Variants in DACH1 observed in about 807,000 individuals in gnomAD.
DACH1 encodes the protein dachshund family transcription factor 1.
Under a neutral mutation model 54.2 loss-of-function variants are expected in DACH1, and 12 were observed. That is an observed-to-expected ratio of 0.22 (90% confidence interval 0.14 to 0.36). The LOEUF (loss-of-function observed/expected upper bound fraction) is 0.36. Ranked by LOEUF, DACH1 falls within the 10% of genes least tolerant of loss-of-function variation. DACH1 has a pLI of 1.00. For synonymous variants in DACH1, 386 were observed against 366.2 expected, an observed-to-expected ratio of 1.05 and a Z score of -0.62; for missense variants, 805 against 929.8, an observed-to-expected ratio of 0.87 and a Z score of 1.75.
At chr13:71,545,504 A>G (rs1883404061) in intron 6 of DACH1, among the ~76,000 whole-genome samples, 1 of 151,500 alleles carries the variant, frequency 6.6e-6, no homozygotes, top group Non-Finnish European at 1.5e-5. Context: ...ATAAAGATAG[A>G]AAGAAAGAAG....
chr13:71,603,453 A>G (rs1874651902), intron 3 of DACH1, among the ~76,000 whole-genome samples: 1 of 151,986 alleles, frequency 6.6e-6, no homozygotes, highest in African/African-American at 2.4e-5. Flanking sequence ...CAGTACACCA[A>G]ACCTCCCTCC....
intron 1 of DACH1, among the ~76,000 whole-genome samples, chr13:71,695,208 T>C (rs551118670): frequency 6.6e-6 from 1 of 152,316 alleles, no homozygotes; most frequent in African/African-American, 2.4e-5. Context: ...GGCTTCAGTC[T>C]TGGTCAAACT....
At chr13:71,782,120 A>G (rs532710621) in intron 1 of DACH1, among the ~76,000 whole-genome samples, 1 of 152,218 alleles carries the variant, frequency 6.6e-6, no homozygotes, top group East Asian at 1.9e-4. Flanking sequence ...ATTCTGCAAA[A>G]CCCATTAAAC....
At position 71,686,978 on chromosome 13, in the gene DACH1, C is replaced by G. The variant is rs555737927; in HGVS notation, c.849-5068G>C. Among the ~76,000 whole-genome samples the G allele has an allele frequency of 3.3e-5, 5 of 152,190 alleles. No homozygotes were observed. The Middle Eastern group carries it at 0.014, about 414-fold the overall frequency. ...AAGAAGGACAATAAAATTAAATAAT[C>G]TGTGGGGTAAGTGCAGCAGAAGGAT... is the stretch of plus-strand genomic sequence containing the variant. On this transcript the variant is annotated intron_variant, in intron 1 of 10. Transcript: ENST00000613252.
At chr13:71,541,115 C>A (rs990867640) in intron 6 of DACH1, among the ~76,000 whole-genome samples, 2 of 151,740 alleles carry the variant, frequency 1.3e-5, no homozygotes. Flanking sequence ...GTAATAAGTG[C>A]AAATTATGAT....
intron 6 of DACH1, among the ~76,000 whole-genome samples, chr13:71,520,731 C>G (rs1247295659): frequency 1.3e-5 from 2 of 151,408 alleles, no homozygotes; most frequent in African/African-American, 4.8e-5. Flanking sequence ...ACAATAGCAG[C>G]CTGTGTGCCT....
chr13:71,715,893 A>G, intron 1 of DACH1, among the ~76,000 whole-genome samples: 1 of 152,112 alleles, frequency 6.6e-6, no homozygotes, highest in East Asian at 1.9e-4. Flanking sequence ...TAAAACAAAC[A>G]TCTGGGAATA....
chr13:71,797,289 A>T (rs1425620799), intron 1 of DACH1, among the ~76,000 whole-genome samples: 1 of 152,146 alleles, frequency 6.6e-6, no homozygotes, highest in Non-Finnish European at 1.5e-5. Context: ...TTTAGAAAAG[A>T]AAACGTGGTA....
intron 2 of DACH1, among the ~76,000 whole-genome samples, chr13:71,676,718 G>C (rs1021707027): frequency 6.6e-6 from 1 of 152,082 alleles, no homozygotes; most frequent in African/African-American, 2.4e-5. Flanking sequence ...TTTTTTTAAA[G>C]ATAAGAATGT....
chr13:71,474,239 A>C (rs944240448), intron 10 of DACH1, among the ~76,000 whole-genome samples: 6 of 152,138 alleles, frequency 3.9e-5, no homozygotes, highest in Non-Finnish European at 8.8e-5. Flanking sequence ...ACAAAAGTAT[A>C]TTTCCTTTAC....
chr13:71,640,657 A>G (rs1012087397), intron 2 of DACH1, among the ~76,000 whole-genome samples: 6 of 152,080 alleles, frequency 3.9e-5, no homozygotes, highest in Admixed American at 3.3e-4. Flanking sequence ...AAGGCCCAAT[A>G]CTTCTTACTA....
intron 10 of DACH1, chr13:71,464,523 C>A: frequency 2.5e-6 from 1 of 396,868 alleles, no homozygotes; most frequent in South Asian, 1.9e-5. Flanking sequence ...TTCATTAGCT[C>A]TTAAATAAAA....
In DACH1 at chr13:71,665,393, A is replaced by G. The variant is rs1297579189; in HGVS notation, c.964+16402T>C. Reference sequence around the variant, plus strand: ...TGCTACCCCCATATACCCTACCTCCAAAAAATCATGAGACTGAACATCTCA... The same window carrying G: ...TGCTACCCCCATATACCCTACCTCCGAAAAATCATGAGACTGAACATCTCA... On this transcript the variant is annotated intron_variant, in intron 2 of 10. Coordinates refer to ENST00000613252, the MANE Select transcript of DACH1 (RefSeq NM_080759.6). 6.6e-5 allele frequency among the ~76,000 whole-genome samples: 10 copies of G among 152,132 alleles called. No homozygotes were observed. In the East Asian group the frequency reaches 1.9e-3, roughly 29 times the overall value.
intron 1 of DACH1, among the ~76,000 whole-genome samples, chr13:71,811,683 C>G (rs1887720276): frequency 6.6e-6 from 1 of 152,166 alleles, no homozygotes; most frequent in Non-Finnish European, 1.5e-5. Context: ...TTTGCTGTTT[C>G]ACCTGCCATG....
At chr13:71,828,026 G>C (rs1888444852) in intron 1 of DACH1, among the ~76,000 whole-genome samples, 1 of 151,970 alleles carries the variant, frequency 6.6e-6, no homozygotes, top group South Asian at 2.1e-4. Flanking sequence ...ACTAAGTAAA[G>C]AAGAGGTCCT....
chr13:71,689,197 G>A (rs1209352252), intron 1 of DACH1, among the ~76,000 whole-genome samples: 1 of 152,146 alleles, frequency 6.6e-6, no homozygotes, highest in Non-Finnish European at 1.5e-5. Context: ...GGGCACATGA[G>A]AATTATTCCC....
Position 71,704,157 on chromosome 13 carries a change from G to A in DACH1, c.849-22247C>T, listed in dbSNP as rs540844059. On this transcript the variant is annotated intron_variant, in intron 1 of 10. Transcript: ENST00000613252. ...CAATGCAGTCCTTTTTTCTGGACCC[G>A]CCATCTTCCAGTAATTCATCAAAAT... 15 of 192,200 alleles carry A rather than the reference G, an allele frequency of 7.8e-5. No homozygotes were observed. In the East Asian group the frequency reaches 1.4e-3, roughly 18 times the overall value. The allele number at this position is 192,200 out of a possible 1,614,324, so 11.9% of individuals were successfully genotyped here.
intron 6 of DACH1, among the ~76,000 whole-genome samples, chr13:71,516,626 T>G (rs1881180284): frequency 6.6e-6 from 1 of 151,948 alleles, no homozygotes; most frequent in African/African-American, 2.4e-5. Context: ...CCTCTGTTCC[T>G]TCTTTTGGCT....
chr13:71,743,363 T>C (rs1293136976), intron 1 of DACH1, among the ~76,000 whole-genome samples: 1 of 152,134 alleles, frequency 6.6e-6, no homozygotes, highest in East Asian at 1.9e-4. Context: ...ATTTGAGAAA[T>C]AGTGACAAGA....
Sources: gnomAD v4.1 joint callset for allele counts (sites outside exome capture counted in the v4.1 genomes callset) on GRCh38, gnomAD v4.1.1 for gene constraint, MANE v1.5 for transcripts, NCBI Gene and HGNC (gene_info 2026-07-23, HGNC 2026-07-21) for gene names.